The following MAST2 variants were observed in gnomAD, a reference collection of about 807,000 sequenced individuals.
MAST2 encodes the protein microtubule associated serine/threonine kinase 2.
Under a neutral mutation model 147.4 loss-of-function variants are expected in MAST2, and 70 were observed. The ratio of observed to expected loss-of-function variants is 0.47; its 90% CI spans 0.39 to 0.58. MAST2 has a LOEUF of 0.58. MAST2 is among the 20% of genes least tolerant of loss of function. The pLI is 0.00. For missense variants in MAST2, 2,080 were observed against 2,302.3 expected (o/e 0.90, Z 1.98); for synonymous variants, 869 against 896.8 (o/e 0.97, Z 0.55).
At chr1:45,829,289 T>G (rs1570267029) in intron 2 of MAST2, 150 bp from the exon 3 acceptor site, 1 of 650,930 alleles carries the variant, frequency 1.5e-6, no homozygotes, top group African/African-American at 1.9e-5. Flanking sequence ...TAATGGATAG[T>G]TGGAAATTTT....
rs182596862 is a variant in MAST2, at chr1:45,959,301, C to T, written c.501-85C>T. 4.1e-5 allele frequency: 40 copies of T among 977,734 alleles called. No individual in the cohort carries two copies. The African/African-American group carries it at 5.4e-4, about 13-fold the overall frequency. The allele number at this position is 977,734 out of a possible 1,614,324, so 60.6% of individuals were successfully genotyped here. A position where few individuals can be genotyped will look rare whatever the true frequency, so the allele number is the denominator to read the frequency against. On this transcript the variant is annotated intron_variant, in intron 4 of 28. Coordinates refer to ENST00000361297, the MANE Select transcript of MAST2 (RefSeq NM_015112.3). ...TACTGTGCGGCCCGTGGAATGGTGT[C>T]CCTCTTTAGTTCCTTAAAAACCACT...
At chr1:45,881,136 A>G (rs1646828794) in intron 3 of MAST2, among the ~76,000 whole-genome samples, 1 of 152,210 alleles carries the variant, frequency 6.6e-6, no homozygotes, top group African/African-American at 2.4e-5. Context: ...TTCAACATCC[A>G]AGAAACTTTT....
intron 1 of MAST2, among the ~76,000 whole-genome samples, chr1:45,809,524 G>T (rs1344338886): frequency 6.6e-6 from 1 of 152,066 alleles, no homozygotes; most frequent in Non-Finnish European, 1.5e-5. Flanking sequence ...GCGCCTGTGG[G>T]CCCAGCTACT....
intron 4 of MAST2, among the ~76,000 whole-genome samples, chr1:45,896,106 C>T (rs1188022876): frequency 6.7e-6 from 1 of 150,304 alleles, no homozygotes; most frequent in African/African-American, 2.5e-5. Flanking sequence ...AGTGGCACTG[C>T]AACCTCTGCC....
Position 46,029,942 on chromosome 1 carries a change from G to C in MAST2, c.2432G>C (p.Ser811Thr). The change falls in exon 20 of 29, where the codon AGC becomes ACC. Residue 811 changes from serine to threonine, a missense_variant. Around this residue, in one of 4 missense-constraint regions of MAST2, gnomAD observed 1,278 missense variants for 1,304.2 expected, o/e 0.98. Transcript: ENST00000361297. ...CAGTTGGAGTCAGAGGATGATACTA[G>C]CTATTTTGACAGTAAGGCCACCGAT... is the stretch of plus-strand genomic sequence containing the variant. The part of the protein sequence containing the change: ...IPQLESEDDT[S>T]YFDTRSERYH... 6.2e-7 allele frequency: 1 copy of C among 1,614,154 alleles called. No homozygotes were observed. Among genetic ancestry groups the C allele is most frequent in the South Asian group, 1.1e-5 (1 of 91,070 alleles).
rs376486053 is a variant in MAST2, at chr1:46,035,600, C to G, written c.4931C>G (p.Ser1644Cys). The G allele has an allele frequency of 6.2e-7, 1 of 1,613,834 alleles. No individual in the cohort carries two copies. The highest frequency in any genetic ancestry group is 8.5e-7 in the Non-Finnish European group (1 of 1,180,024). Residue 1644 changes from serine to cysteine, a missense_variant, in exon 29 of 29, where the codon TCT becomes TGT. This residue lies in a region of MAST2 where 1,278 missense variants were observed against 1,304.2 expected (regional missense o/e 0.98). Transcript: ENST00000361297. This position sits in a 1 kb window ranked among gnomAD's most constrained non-coding sequence, Gnocchi z 5.5. ...TSGLTPTSSC[S>C]PPSSTSGKLS... ...GGACTCACCCCCACCAGCAGTTGCT[C>G]TCCTCCCAGCTCCACCTCTGGGAAG...
At chr1:45,876,787 T>TA (rs1487978041) in intron 3 of MAST2, among the ~76,000 whole-genome samples, 1 of 152,146 alleles carries the variant, frequency 6.6e-6, no homozygotes, top group African/African-American at 2.4e-5. Flanking sequence ...GGCTTTTGTA[T>TA]AGGTGTAAGG....
Position 46,006,247 on chromosome 1 carries a change from T to C in MAST2, c.754T>C (p.Cys252Arg), listed in dbSNP as rs1226659048. The C allele has an allele frequency of 6.2e-7, 1 of 1,612,848 alleles. No individual in the cohort carries two copies. Among genetic ancestry groups the C allele is most frequent in the Non-Finnish European group, 8.5e-7 (1 of 1,179,332 alleles). The part of the protein sequence containing the change: ...NTPSSTVSSS[C>R]SSQEKLHQLP... Reference sequence around the variant, plus strand: ...TTAATGTTTTCCCCTCTAGTCATCATGCTCCTCACAGGAAAAGCTGCATCA... The same window carrying C: ...TTAATGTTTTCCCCTCTAGTCATCACGCTCCTCACAGGAAAAGCTGCATCA... Residue 252 changes from cysteine (C) to arginine (R), a missense_variant, in exon 8 of 29, where the codon TGC (cysteine) becomes CGC (arginine). By Grantham distance (180) the Cys-to-Arg change is radical (BLOSUM62 -3). This residue lies in a region of MAST2 where 569 missense variants were observed against 642.5 expected (regional missense o/e 0.89). Transcript: ENST00000361297.
chr1:46,019,930 CA>C (rs1646116722), intron 11 of MAST2, among the ~76,000 whole-genome samples: 1 of 152,178 alleles, frequency 6.6e-6, no homozygotes. Context: ...CCCACATGAG[CA>C]GGGCTCACAT....
chr1:45,911,013 G>GTT (rs1378419665), intron 4 of MAST2, among the ~76,000 whole-genome samples: 1 of 152,064 alleles, frequency 6.6e-6, no homozygotes, highest in South Asian at 2.1e-4. Flanking sequence ...TAATTAATTT[G>GTT]TTTTGTGTGT....
chr1:45,930,391 T>TTTTTGGTTTG (rs1655093277), intron 4 of MAST2, among the ~76,000 whole-genome samples: 1 of 147,164 alleles, frequency 6.8e-6, no homozygotes. Context: ...TTTTTTGTTT[T>TTTTTGGTTTG]TTTTGTTTTG....
chr1:45,991,119 T>G (rs1358648043), intron 5 of MAST2, among the ~76,000 whole-genome samples: 1 of 152,114 alleles, frequency 6.6e-6, no homozygotes, highest in Non-Finnish European at 1.5e-5. Context: ...AACATTCAGT[T>G]GTTCCAGCAC....
intron 4 of MAST2, among the ~76,000 whole-genome samples, chr1:45,884,605 C>CT (rs1287439937): frequency 1.3e-5 from 2 of 152,064 alleles, no homozygotes; most frequent in Non-Finnish European, 2.9e-5. Context: ...GTAGAGTGAT[C>CT]TAAGTTCTGA....
rs748512334 is a variant in MAST2, at chr1:46,029,967, T to C, written c.2443+14T>C. 1.6e-5 allele frequency: 26 copies of C among 1,613,732 alleles called. No homozygotes were observed. Among genetic ancestry groups the C allele is most frequent in the Non-Finnish European group, 2.0e-5 (24 of 1,179,894 alleles). On this transcript the variant is annotated intron_variant, in intron 20 of 28. Transcript: ENST00000361297. ...GCTATTTTGACAGTAAGGCCACCGA[T>C]GGGTGGGGTGGAGGATGGGTCCTAC...
At chr1:45,807,665 C>T (rs1321734693) in intron 1 of MAST2, among the ~76,000 whole-genome samples, 2 of 152,034 alleles carry the variant, frequency 1.3e-5, no homozygotes, top group African/African-American at 4.8e-5. Context: ...CTTCAGCCTC[C>T]CCAGTAGCTG....
At chr1:45,886,344 ACAC>A (rs949770496) in intron 4 of MAST2, among the ~76,000 whole-genome samples, 9 of 140,816 alleles carry the variant, frequency 6.4e-5, no homozygotes, top group Non-Finnish European at 9.3e-5. Flanking sequence ...ACACACACAC[ACAC>A]ATTTATAGTG....
At chr1:45,853,339 A>G (rs1243854445) in intron 3 of MAST2, among the ~76,000 whole-genome samples, 6 of 152,094 alleles carry the variant, frequency 3.9e-5, no homozygotes, top group Non-Finnish European at 8.8e-5. Flanking sequence ...TGCATAACAC[A>G]TTTATTAATT....
At chr1:45,929,696 G>A (rs989610437) in intron 4 of MAST2, among the ~76,000 whole-genome samples, 1 of 152,146 alleles carries the variant, frequency 6.6e-6, no homozygotes, top group African/African-American at 2.4e-5. Flanking sequence ...GCATACTGGA[G>A]TAGTCAGAGA....
At chr1:45,850,905 T>A (rs1225489639) in intron 3 of MAST2, among the ~76,000 whole-genome samples, 2 of 151,352 alleles carry the variant, frequency 1.3e-5, no homozygotes, top group Non-Finnish European at 2.9e-5. Flanking sequence ...ATGTAATCCC[T>A]GCAGCTTTGT....
Sources: allele counts gnomAD v4.1 joint callset (sites outside exome capture counted in the v4.1 genomes callset), GRCh38; gene constraint gnomAD v4.1.1; regional missense constraint gnomAD v4.1.1; non-coding constraint Gnocchi (gnomAD v3.1); transcripts MANE v1.5; gene names NCBI Gene and HGNC (gene_info 2026-07-23, HGNC 2026-07-21).